Variants in SH3PXD2B observed in about 807,000 individuals in gnomAD.
SH3PXD2B encodes SH3 and PX domains 2B.
In SH3PXD2B, 37 loss-of-function variants were observed where a neutral mutation model predicts 73.1. The ratio of observed to expected loss-of-function variants is 0.51; its 90% confidence interval spans 0.39 to 0.67. The LOEUF (loss-of-function observed/expected upper bound fraction) is 0.67. SH3PXD2B is among the 30% of genes least tolerant of loss of function. The pLI is 0.00. For synonymous variants in SH3PXD2B, 457 were observed against 480.5 expected (o/e 0.95, Z 0.64); for missense variants, 1,053 against 1,197.8 (o/e 0.88, Z 1.78).
chr5:172,366,939 T>TTTTTTTTTTC (rs1757541247), intron 6 of SH3PXD2B, among the ~76,000 whole-genome samples: 1 of 121,886 alleles, frequency 8.2e-6, no homozygotes, highest in Non-Finnish European at 1.6e-5. Context: ...GCCATTTTTT[T>TTTTTTTTTTC]TTTTTTTTTT....
At chr5:172,453,211 T>A (rs966964579) in intron 1 of SH3PXD2B, among the ~76,000 whole-genome samples, 5 of 152,112 alleles carry the variant, frequency 3.3e-5, no homozygotes, top group African/African-American at 1.2e-4. Flanking sequence ...GTTCTATACT[T>A]CTTTGTTAGG....
intron 2 of SH3PXD2B, among the ~76,000 whole-genome samples, chr5:172,415,447 G>A (rs1472229563): frequency 2.0e-5 from 3 of 152,190 alleles, no homozygotes; most frequent in Non-Finnish European, 2.9e-5. Context: ...GAGGCAGGGA[G>A]GTTAGGAGTG....
In SH3PXD2B at chr5:172,377,045, T is replaced by G. The variant is rs114161952; in HGVS notation, c.402-3230A>C. Among the ~76,000 whole-genome samples the G allele has an allele frequency of 7.8e-3, 1,191 of 152,314 alleles. 10 individuals are homozygous for G. The highest frequency in any genetic ancestry group is 9.5e-3 in the Non-Finnish European group (643 of 68,024). ...AGAGTTGCCATCCAGGCCTGCGACC[T>G]GAGCCGTGGTCTGGGCTTAAGACCC... On this transcript the variant is annotated intron_variant, in intron 5 of 12. Coordinates refer to ENST00000311601, the MANE Select transcript of SH3PXD2B (RefSeq NM_001017995.3).
intron 8 of SH3PXD2B, among the ~76,000 whole-genome samples, chr5:172,358,400 G>C (rs896140701): frequency 1.3e-5 from 2 of 152,190 alleles, no homozygotes; most frequent in Non-Finnish European, 2.9e-5. Flanking sequence ...TAAACAGATG[G>C]GGTCAAATGT....
intron 1 of SH3PXD2B, among the ~76,000 whole-genome samples, chr5:172,437,253 G>A (rs1401432516): frequency 2.6e-5 from 4 of 152,188 alleles, no homozygotes; most frequent in Non-Finnish European, 5.9e-5. Context: ...GCCACGCTTC[G>A]TGGAGACCCT....
chr5:172,336,361 C>T lies in SH3PXD2B; in HGVS notation c.*2008G>A. On this transcript the variant is annotated 3_prime_UTR_variant, in exon 13 of 13. Coordinates refer to ENST00000311601, the MANE Select transcript of SH3PXD2B (RefSeq NM_001017995.3). ...GCGGCCCTTCCCCACCTCCCTTCTTCCCCTGGCTGCCATCTGCCCCCAACG... is the reference window on the plus strand; with the variant it reads ...GCGGCCCTTCCCCACCTCCCTTCTTTCCCTGGCTGCCATCTGCCCCCAACG... The T allele has an allele frequency of 1.0e-6, 1 of 985,804 alleles. No homozygotes were observed. The allele number at this position is 985,804 out of a possible 1,614,324, so 61.1% of individuals were successfully genotyped here.
chr5:172,401,641 A>T (rs1252965546), intron 3 of SH3PXD2B, among the ~76,000 whole-genome samples: 2 of 152,252 alleles, frequency 1.3e-5, no homozygotes. Flanking sequence ...CGAAGGGACC[A>T]GCTGAAGCCG....
intron 3 of SH3PXD2B, among the ~76,000 whole-genome samples, chr5:172,402,974 C>T (rs552033277): frequency 3.9e-5 from 6 of 152,374 alleles, no homozygotes; most frequent in Non-Finnish European, 8.8e-5. Flanking sequence ...GGCTGTGGGG[C>T]AGAACCGTGA....
intron 1 of SH3PXD2B, among the ~76,000 whole-genome samples, chr5:172,439,382 C>T (rs952472037): frequency 6.6e-6 from 1 of 151,862 alleles, no homozygotes; most frequent in African/African-American, 2.4e-5. Context: ...TTGCAAATCA[C>T]CTCACAGCTC....
chr5:172,441,583 G>C (rs1237132872), intron 1 of SH3PXD2B, among the ~76,000 whole-genome samples: 1 of 152,174 alleles, frequency 6.6e-6, no homozygotes, highest in Non-Finnish European at 1.5e-5. Context: ...ATGTGTACGT[G>C]TCATGATAGG....
At position 172,368,535 on chromosome 5, in the gene SH3PXD2B, TATATAA is replaced by T. The variant is rs1233275503; in HGVS notation, c.427+5249_427+5254del. 2.2e-3 allele frequency among the ~76,000 whole-genome samples: 50 copies of T among 22,940 alleles called. 7 individuals are homozygous for T. The highest frequency in any genetic ancestry group is 0.015 in the African/African-American group (49 of 3,222). 15.0% of individuals were successfully genotyped at this position (22,940 alleles called of 152,430 possible). A position where few individuals can be genotyped will look rare whatever the true frequency, so the allele number is the denominator to read the frequency against. On this transcript the variant is annotated intron_variant, in intron 6 of 12. Coordinates refer to ENST00000311601, the MANE Select transcript of SH3PXD2B (RefSeq NM_001017995.3). ...ATAAAATATATATATATTATATATA[TATATAA>T]AATATATATATATTATATATATATA...
intron 1 of SH3PXD2B, among the ~76,000 whole-genome samples, chr5:172,439,529 C>T (rs964246135): frequency 1.3e-5 from 2 of 152,122 alleles, no homozygotes; most frequent in African/African-American, 2.4e-5. Context: ...AGGGCCATCA[C>T]TAATAACCCA....
intron 1 of SH3PXD2B, among the ~76,000 whole-genome samples, chr5:172,425,785 G>A (rs1176079857): frequency 1.3e-5 from 2 of 152,116 alleles, no homozygotes; most frequent in African/African-American, 2.4e-5. Flanking sequence ...CTGCTGTGTG[G>A]AAACGGCTTG....
intron 7 of SH3PXD2B, among the ~76,000 whole-genome samples, chr5:172,359,304 C>T (rs549677174): frequency 4.8e-4 from 71 of 148,668 alleles, no homozygotes; most frequent in African/African-American, 1.7e-3. Context: ...GGAGGATCAC[C>T]TGAGCCCAGG....
rs907943120 is a variant in SH3PXD2B, at chr5:172,429,562, A to G, written c.76-7066T>C. Among the ~76,000 whole-genome samples, 15 of 151,542 alleles carry G rather than the reference A, an allele frequency of 9.9e-5. No individual in the cohort carries two copies. In the East Asian group the frequency reaches 2.9e-3, roughly 30 times the overall value. Reference sequence around the variant, plus strand: ...CAAACCCAGTTTCACCAGGAACAGAAGTCCCGGGTTTCCTCACTTCCTCTA... The same window carrying G: ...CAAACCCAGTTTCACCAGGAACAGAGGTCCCGGGTTTCCTCACTTCCTCTA... On this transcript the variant is annotated intron_variant, in intron 1 of 12. Coordinates refer to ENST00000311601, the MANE Select transcript of SH3PXD2B (RefSeq NM_001017995.3).
Position 172,347,264 on chromosome 5 carries a change from G to A in SH3PXD2B, c.1062+19C>T, listed in dbSNP as rs1490785495. On this transcript the variant is annotated intron_variant, in intron 11 of 12. Transcript: ENST00000311601. ...CCCTCAAGTCAGTGGCCACTCCCCAGTAGCGAGGATCCACTTACAATGGTC... is the reference window on the plus strand; with the variant it reads ...CCCTCAAGTCAGTGGCCACTCCCCAATAGCGAGGATCCACTTACAATGGTC... The A allele has an allele frequency of 1.9e-6, 3 of 1,613,986 alleles. No homozygotes were observed. Among genetic ancestry groups the A allele is most frequent in the South Asian group, 1.1e-5 (1 of 91,084 alleles).
At chr5:172,367,379 C>T (rs1305957132) in intron 6 of SH3PXD2B, among the ~76,000 whole-genome samples, 5 of 143,044 alleles carry the variant, frequency 3.5e-5, no homozygotes, top group East Asian at 2.0e-4. Flanking sequence ...GTCTAATCCC[C>T]CTCTCATCAG....
At chr5:172,362,660 T>C in intron 7 of SH3PXD2B, 75 bp downstream of exon 7, 2 of 1,609,570 alleles carry the variant, frequency 1.2e-6, no homozygotes, top group Non-Finnish European at 1.7e-6. Context: ...TTTCAGTTTC[T>C]GAGTTTCCAA....
rs780283199 is a variant in SH3PXD2B at position 172,362,877 on chromosome 5, T to C, written c.428-8A>G. ...CTGAGGTTTGGTCACCCCCTGTGGATAGGAAACAGACATGACATCTGGCCA... is the reference window on the plus strand; with the variant it reads ...CTGAGGTTTGGTCACCCCCTGTGGACAGGAAACAGACATGACATCTGGCCA... On this transcript the variant is annotated splice_region_variant and splice_polypyrimidine_tract_variant and intron_variant, in intron 6 of 12. Coordinates refer to ENST00000311601, the MANE Select transcript of SH3PXD2B (RefSeq NM_001017995.3). The C allele has an allele frequency of 3.7e-6, 6 of 1,613,834 alleles. No individual in the cohort carries two copies. The highest frequency in any genetic ancestry group is 5.1e-6 in the Non-Finnish European group (6 of 1,180,018).
Sources: allele counts gnomAD v4.1 joint callset (sites outside exome capture counted in the v4.1 genomes callset), GRCh38; gene constraint gnomAD v4.1.1; transcripts MANE v1.5; gene names NCBI Gene and HGNC (gene_info 2026-07-23, HGNC 2026-07-21).